The following ANKRD6 variants were observed in gnomAD, a reference collection of about 807,000 sequenced individuals.
ANKRD6 encodes the protein ankyrin repeat domain-containing protein 6.
ANKRD6 carries 56 observed loss-of-function variants against 82.3 expected under a neutral mutation model. That is an observed-to-expected ratio of 0.68 (90% CI 0.55 to 0.85). ANKRD6 has a LOEUF of 0.85. ANKRD6 is among the 40% of genes least tolerant of loss of function. ANKRD6 has a pLI of 0.00. For missense variants in ANKRD6, 852 were observed against 907.6 expected, an observed-to-expected ratio of 0.94 and a Z score of 0.79; for synonymous variants, 347 against 352.1, an observed-to-expected ratio of 0.99 and a Z score of 0.16.
chr6:89,516,282 A>T (rs191491886), intron 1 of ANKRD6, among the ~76,000 whole-genome samples: 1 of 152,308 alleles, frequency 6.6e-6, no homozygotes, highest in East Asian at 1.9e-4. Flanking sequence ...AGGCAGAAGA[A>T]GGTTGACTTC....
At chr6:89,527,924 C>T (rs1461614112) in intron 1 of ANKRD6, among the ~76,000 whole-genome samples, 1 of 152,210 alleles carries the variant, frequency 6.6e-6, no homozygotes, top group Non-Finnish European at 1.5e-5. Flanking sequence ...TTCCTCCCAC[C>T]TCAGCCTCCA....
intron 1 of ANKRD6, among the ~76,000 whole-genome samples, chr6:89,450,145 T>C (rs1366422859): frequency 2.0e-5 from 3 of 152,094 alleles, no homozygotes; most frequent in Non-Finnish European, 2.9e-5. Context: ...CAGACCAGCC[T>C]GGCCAGCGTA....
At chr6:89,518,402 C>T (rs1024183109) in intron 1 of ANKRD6, among the ~76,000 whole-genome samples, 1 of 109,286 alleles carries the variant, frequency 9.2e-6, no homozygotes, top group East Asian at 2.7e-4. Context: ...GACTCCGTCT[C>T]AAAAAAAAAA....
intron 8 of ANKRD6, among the ~76,000 whole-genome samples, chr6:89,617,652 C>A (rs1218002507): frequency 6.6e-6 from 1 of 152,216 alleles, no homozygotes; most frequent in Non-Finnish European, 1.5e-5. Flanking sequence ...GGGAAGCACT[C>A]CTTGGTGGGT....
intron 1 of ANKRD6, among the ~76,000 whole-genome samples, chr6:89,444,523 A>G (rs1281523857): frequency 6.6e-6 from 1 of 152,224 alleles, no homozygotes; most frequent in Non-Finnish European, 1.5e-5. Context: ...TAAAAGTTGC[A>G]TTGGGTATAA....
At chr6:89,604,329 CA>C (rs1215491878) in intron 4 of ANKRD6, among the ~76,000 whole-genome samples, 21 of 144,266 alleles carry the variant, frequency 1.5e-4, no homozygotes, top group African/African-American at 1.3e-4. Flanking sequence ...ACTCTTGTCT[CA>C]AAAAAAAAAG....
chr6:89,489,676 A>G (rs1423205084), intron 1 of ANKRD6, among the ~76,000 whole-genome samples: 1 of 152,214 alleles, frequency 6.6e-6, no homozygotes, highest in Non-Finnish European at 1.5e-5. Flanking sequence ...AGAGCAAGGC[A>G]TGCCCATTTC....
intron 6 of ANKRD6, 118 bp from the exon 7 acceptor site, chr6:89,613,674 T>C: frequency 1.1e-6 from 1 of 912,258 alleles, no homozygotes; most frequent in Non-Finnish European, 1.7e-6. Context: ...GAGCTGCTTA[T>C]GATTCCCTAA....
At chr6:89,517,533 AGTT>A in intron 1 of ANKRD6, among the ~76,000 whole-genome samples, 1 of 152,336 alleles carries the variant, frequency 6.6e-6, no homozygotes, top group Middle Eastern at 3.4e-3. Flanking sequence ...TGTCGAAAGA[AGTT>A]GTTGAGATAC....
chr6:89,463,075 C>T (rs962556764), intron 1 of ANKRD6, among the ~76,000 whole-genome samples: 3 of 151,544 alleles, frequency 2.0e-5, no homozygotes, highest in African/African-American at 7.3e-5. Context: ...ACTATGTTGC[C>T]CTGACTTGTT....
intron 5 of ANKRD6, among the ~76,000 whole-genome samples, chr6:89,609,481 T>C (rs898946710): frequency 6.6e-6 from 1 of 152,008 alleles, no homozygotes; most frequent in African/African-American, 2.4e-5. Flanking sequence ...TTTGTATTTT[T>C]AGTAGAGACA....
At chr6:89,574,684 C>T (rs770150779) in intron 2 of ANKRD6, among the ~76,000 whole-genome samples, 5 of 152,130 alleles carry the variant, frequency 3.3e-5, no homozygotes, top group Non-Finnish European at 7.4e-5. Context: ...GCTATTATCC[C>T]CATTTTACAG....
At chr6:89,522,976 G>A (rs1782057166) in intron 1 of ANKRD6, among the ~76,000 whole-genome samples, 1 of 152,098 alleles carries the variant, frequency 6.6e-6, no homozygotes, top group Non-Finnish European at 1.5e-5. Flanking sequence ...ATTGCTCCAG[G>A]TCACAGGCAT....
chr6:89,605,109 G>C lies in ANKRD6; in HGVS notation c.319-898G>C, dbSNP rs528343077. Among the ~76,000 whole-genome samples, 40 of 152,182 alleles carry C rather than the reference G, an allele frequency of 2.6e-4. 1 individual carries two copies. Among genetic ancestry groups the C allele is most frequent in the African/African-American group, 9.1e-4 (38 of 41,534 alleles). On this transcript the variant is annotated intron_variant, in intron 4 of 15. Coordinates refer to ENST00000339746, the MANE Select transcript of ANKRD6 (RefSeq NM_001242809.2). ...CTATTTAAAAGCAACACATTAGGCCGGGCACGGTGGCTCACGCCTGTAATC... is the reference window on the plus strand; with the variant it reads ...CTATTTAAAAGCAACACATTAGGCCCGGCACGGTGGCTCACGCCTGTAATC...
chr6:89,531,793 A>T (rs1783182337), intron 1 of ANKRD6, among the ~76,000 whole-genome samples: 1 of 152,246 alleles, frequency 6.6e-6, no homozygotes, highest in Admixed American at 6.5e-5. Flanking sequence ...TCCTACAAAA[A>T]AGGCCAATAG....
At chr6:89,514,412 T>G (rs1780955335) in intron 1 of ANKRD6, among the ~76,000 whole-genome samples, 1 of 152,060 alleles carries the variant, frequency 6.6e-6, no homozygotes, top group Admixed American at 6.6e-5. Flanking sequence ...TTTGTTTTGT[T>G]TTGTTTTGTT....
At chr6:89,559,015 C>T (rs1002033022) in intron 1 of ANKRD6, among the ~76,000 whole-genome samples, 1 of 152,052 alleles carries the variant, frequency 6.6e-6, no homozygotes, top group Non-Finnish European at 1.5e-5. Flanking sequence ...AGCATAAAAC[C>T]ATAATTATAA....
At chr6:89,570,887 A>G (rs1395359854) in intron 2 of ANKRD6, among the ~76,000 whole-genome samples, 2 of 152,114 alleles carry the variant, frequency 1.3e-5, no homozygotes, top group East Asian at 3.9e-4. Context: ...TTGCTTTCAT[A>G]TCTTTTGGTT....
At chr6:89,523,602 A>G (rs1164969891) in intron 1 of ANKRD6, among the ~76,000 whole-genome samples, 1 of 152,180 alleles carries the variant, frequency 6.6e-6, no homozygotes, top group Non-Finnish European at 1.5e-5. Flanking sequence ...AGTTTTTACC[A>G]TAAGTCCAGT....
Sources: allele counts gnomAD v4.1 joint callset (sites outside exome capture counted in the v4.1 genomes callset), GRCh38; gene constraint gnomAD v4.1.1; transcripts MANE v1.5; gene names NCBI Gene and HGNC (gene_info 2026-07-23, HGNC 2026-07-21).